Variants in RNASET2 observed in about 807,000 individuals in gnomAD.
RNASET2 encodes ribonuclease T2.
A neutral mutation model predicts 33.9 loss-of-function variants in RNASET2; 28 were observed. The observed-to-expected ratio is 0.83, with a 90% CI of 0.61 to 1.13. The LOEUF is 1.13. Among genes scored for constraint, RNASET2 ranks in the 50% most tolerant of loss-of-function variants. The pLI is 0.00. For missense variants in RNASET2, 330 were observed against 319.9 expected (o/e 1.03, Z -0.24); for synonymous variants, 123 against 121.0 (o/e 1.02, Z -0.11).
intron 2 of RNASET2, among the ~76,000 whole-genome samples, chr6:166,949,988 T>A (rs1178000760): frequency 6.6e-6 from 1 of 152,202 alleles, no homozygotes; most frequent in Non-Finnish European, 1.5e-5. Flanking sequence ...GGAAATACAC[T>A]CCTTAACAAG....
At chr6:166,946,611 G>A in intron 4 of RNASET2, 71 bp downstream of exon 4, 1 of 847,258 alleles carries the variant, frequency 1.2e-6, no homozygotes, top group East Asian at 2.6e-5. Context: ...TGACTTTGAA[G>A]GTACGCTTGT....
intron 5 of RNASET2, among the ~76,000 whole-genome samples, chr6:166,939,804 G>A (rs1778654307): frequency 1.3e-5 from 2 of 152,198 alleles, no homozygotes. Context: ...AAGAACAACT[G>A]AATAGCCTAT....
rs148238053 is a variant in RNASET2, at chr6:166,924,359, A to G, written c.*5229T>C. 0.014 allele frequency among the ~76,000 whole-genome samples: 2,134 copies of G among 152,162 alleles called. 60 individuals carry two copies. Among genetic ancestry groups the G allele is most frequent in the African/African-American group, 0.048 (2,001 of 41,492 alleles). ...TGGGATCCGCCTGCCTTGGCCTCCC[A>G]AAGTGCTGGTATTACAGGCATGAGC... On this transcript the variant is annotated 3_prime_UTR_variant, in exon 9 of 9. Coordinates refer to ENST00000508775, the MANE Select transcript of RNASET2 (RefSeq NM_003730.6).
At chr6:166,943,208 G>A (rs1778735569) in intron 4 of RNASET2, 119 bp from the exon 5 acceptor site, 1 of 721,686 alleles carries the variant, frequency 1.4e-6, no homozygotes, top group East Asian at 2.9e-5. Flanking sequence ...ACAATACTTT[G>A]GTGAATAAAA....
At chr6:166,931,276 C>A in intron 7 of RNASET2, 158 bp from the exon 8 acceptor site, 1 of 666,230 alleles carries the variant, frequency 1.5e-6, no homozygotes, top group Non-Finnish European at 2.7e-6. Context: ...CCACCTCCAC[C>A]AGCGAAGCAG....
intron 1 of RNASET2, among the ~76,000 whole-genome samples, chr6:166,955,221 GCGCA>G (rs1351385008): frequency 4.3e-5 from 4 of 94,012 alleles, no homozygotes; most frequent in African/African-American, 1.4e-4. Flanking sequence ...ACGCACACAC[GCGCA>G]CACACGCACG....
Position 166,926,774 on chromosome 6 carries a change from T to G in RNASET2, c.*2814A>C, listed in dbSNP as rs982212164. Among the ~76,000 whole-genome samples the G allele has an allele frequency of 6.6e-6, 1 of 152,130 alleles. No individual in the cohort carries two copies. Among genetic ancestry groups the G allele is most frequent in the Admixed American group, 6.5e-5 (1 of 15,270 alleles). Reference sequence around the variant, plus strand: ...TTCATGGGAACCTGGTTTTCTTGTCTCGCTTTTACCTATGGTGTCTTTTTC... The same window carrying G: ...TTCATGGGAACCTGGTTTTCTTGTCGCGCTTTTACCTATGGTGTCTTTTTC... On this transcript the variant is annotated 3_prime_UTR_variant, in exon 9 of 9. Coordinates refer to ENST00000508775, the MANE Select transcript of RNASET2 (RefSeq NM_003730.6).
intron 5 of RNASET2, among the ~76,000 whole-genome samples, chr6:166,941,773 A>G (rs1778698123): frequency 6.6e-6 from 1 of 152,210 alleles, no homozygotes; most frequent in Non-Finnish European, 1.5e-5. Context: ...CTAAAATTTG[A>G]TGGGTTGTAA....
At position 166,929,534 on chromosome 6, in the gene RNASET2, C is replaced by A; in HGVS notation, c.*54G>T. On this transcript the variant is annotated 3_prime_UTR_variant, in exon 9 of 9. Coordinates refer to ENST00000508775, the MANE Select transcript of RNASET2 (RefSeq NM_003730.6). ...TTTGGAGTTGTTTTTTAGAAAGCTGCAGTTTGTGAATTTCTCTTGCTTTTT... is the reference window on the plus strand; with the variant it reads ...TTTGGAGTTGTTTTTTAGAAAGCTGAAGTTTGTGAATTTCTCTTGCTTTTT... 6.4e-7 allele frequency: 1 copy of A among 1,561,266 alleles called. No homozygotes were observed. The highest frequency in any genetic ancestry group is 8.8e-7 in the Non-Finnish European group (1 of 1,132,122).
intron 6 of RNASET2, among the ~76,000 whole-genome samples, chr6:166,937,601 T>G (rs1190564747): frequency 6.6e-6 from 1 of 152,220 alleles, no homozygotes; most frequent in African/African-American, 2.4e-5. Flanking sequence ...TCAAAGTGTA[T>G]AGGTCTGTGT....
Position 166,929,354 on chromosome 6 carries a change from A to C in RNASET2, c.*234T>G, listed in dbSNP as rs1778363602. 1 of 585,540 alleles carries C rather than the reference A, an allele frequency of 1.7e-6. No homozygotes were observed. Among genetic ancestry groups the C allele is most frequent in the East Asian group, 2.9e-5 (1 of 34,408 alleles). 36.3% of individuals were successfully genotyped at this position (585,540 alleles called of 1,614,324 possible). On this transcript the variant is annotated 3_prime_UTR_variant, in exon 9 of 9. Coordinates refer to ENST00000508775, the MANE Select transcript of RNASET2 (RefSeq NM_003730.6). The stretch of plus-strand genomic sequence containing the variant: ...TGAAGAGTTTAATAGAGAAAAAAAA[A>C]AACAATCTGTGAGCTTTATCCCAAG...
rs190389130 is a variant in RNASET2, at chr6:166,937,848, T to G, written c.446+1047A>C. ...CACAGGGCATTCTTTGATGTAATCT[T>G]GATCCCCGCTAACCGTGCCAAGCCC... is the stretch of plus-strand genomic sequence containing the variant. On this transcript the variant is annotated intron_variant, in intron 6 of 8. Transcript: ENST00000508775. 1.2e-4 allele frequency among the ~76,000 whole-genome samples: 18 copies of G among 152,332 alleles called. No homozygotes were observed. In the East Asian group the frequency reaches 3.3e-3, roughly 28 times the overall value.
At chr6:166,930,583 AC>A (rs1294317111) in intron 8 of RNASET2, among the ~76,000 whole-genome samples, 1 of 150,458 alleles carries the variant, frequency 6.6e-6, no homozygotes, top group Non-Finnish European at 1.5e-5. Flanking sequence ...ACACATGCAC[AC>A]ACACAGCACA....
At chr6:166,955,756 C>A in intron 1 of RNASET2, 1 of 1,203,564 alleles carries the variant, frequency 8.3e-7, no homozygotes, top group South Asian at 1.8e-5. Flanking sequence ...TCCCAGGAGT[C>A]ACCCCAGAGC....
chr6:166,941,399 T>G (rs1325988027), intron 5 of RNASET2, among the ~76,000 whole-genome samples: 1 of 152,246 alleles, frequency 6.6e-6, no homozygotes, highest in African/African-American at 2.4e-5. Context: ...AAATTCTCTT[T>G]CACATAACTC....
chr6:166,942,933 A>G, intron 5 of RNASET2, 86 bp downstream of exon 5: 1 of 1,080,498 alleles, frequency 9.3e-7, no homozygotes, highest in Non-Finnish European at 1.4e-6. Context: ...CTTGCTTCCC[A>G]CACAGTTTCC....
rs149309507 is a variant in RNASET2, at chr6:166,926,394, C to T, written c.*3194G>A. Among the ~76,000 whole-genome samples, 559 of 151,782 alleles carry T rather than the reference C, an allele frequency of 3.7e-3. 3 individuals are homozygous for T. The highest frequency in any genetic ancestry group is 0.013 in the African/African-American group (528 of 41,382). ...CTCTACTAAAAATACAAAAAATAGC[C>T]GGGCATGGTGGCGTGCCTAGTCCCA... is the stretch of plus-strand genomic sequence containing the variant. On this transcript the variant is annotated 3_prime_UTR_variant, in exon 9 of 9. Coordinates refer to ENST00000508775, the MANE Select transcript of RNASET2 (RefSeq NM_003730.6).
At chr6:166,938,648 G>C (rs770755940) in intron 6 of RNASET2, 4 of 737,838 alleles carry the variant, frequency 5.4e-6, no homozygotes, top group Non-Finnish European at 1.0e-5. Flanking sequence ...CTGATGATGA[G>C]ATGGTGCCCA....
chr6:166,941,324 A>G (rs1383911063), intron 5 of RNASET2, among the ~76,000 whole-genome samples: 3 of 152,190 alleles, frequency 2.0e-5, no homozygotes, highest in Non-Finnish European at 4.4e-5. Flanking sequence ...ATGTTTGCTG[A>G]TTTATTTTAA....
Sources: gnomAD v4.1 joint callset for allele counts (sites outside exome capture counted in the v4.1 genomes callset) on GRCh38, gnomAD v4.1.1 for gene constraint, MANE v1.5 for transcripts, NCBI Gene and HGNC (gene_info 2026-07-23, HGNC 2026-07-21) for gene names.